The following CDH12 variants were observed in gnomAD, a reference collection of about 807,000 sequenced individuals.
CDH12 encodes the protein cadherin 12, also known as cadherin-12.
CDH12 carries 41 observed loss-of-function variants against 74.1 expected under a neutral mutation model. The observed-to-expected ratio is 0.55, with a 90% CI of 0.43 to 0.72. The LOEUF (loss-of-function observed/expected upper bound fraction) is 0.72. Among genes scored for constraint, CDH12 ranks in the 30% least tolerant of loss-of-function variants. The probability of loss-of-function intolerance (pLI) is 0.00; values close to 1 mark genes in which losing one functional copy is unlikely to be tolerated. For synonymous variants in CDH12, 399 were observed against 355.0 expected (o/e 1.12, Z -1.39); for missense variants, 945 against 977.2 (o/e 0.97, Z 0.44).
chr5:21,880,617 T>TTCTTTCTCTCTC (rs1752260865), intron 6 of CDH12, among the ~76,000 whole-genome samples: 1 of 53,936 alleles, frequency 1.9e-5, no homozygotes, highest in African/African-American at 8.3e-5. Flanking sequence ...CCTTCCTTCC[T>TTCTTTCTCTCTC]TCTTTCTTTC....
At chr5:22,741,381 C>T (rs1391634938) in intron 1 of CDH12, among the ~76,000 whole-genome samples, 2 of 152,132 alleles carry the variant, frequency 1.3e-5, no homozygotes, top group African/African-American at 2.4e-5. Flanking sequence ...TATGCTATTT[C>T]CCATATTTGC....
At chr5:22,347,634 G>A (rs187658951) in intron 3 of CDH12, among the ~76,000 whole-genome samples, 1 of 152,058 alleles carries the variant, frequency 6.6e-6, no homozygotes, top group African/African-American at 2.4e-5. Context: ...TATCCTTTAA[G>A]TTCTGTCCCT....
intron 1 of CDH12, among the ~76,000 whole-genome samples, chr5:22,570,406 G>A (rs545495541): frequency 1.3e-5 from 2 of 152,120 alleles, no homozygotes; most frequent in East Asian, 3.9e-4. Context: ...CTTTATCCAT[G>A]TGCTACAGAA....
chr5:22,538,509 C>T (rs1338089427), intron 1 of CDH12, among the ~76,000 whole-genome samples: 1 of 152,174 alleles, frequency 6.6e-6, no homozygotes, highest in Non-Finnish European at 1.5e-5. Context: ...CTGACTTCCA[C>T]TGACAAGACA....
At chr5:22,322,829 C>A (rs1561312128) in intron 3 of CDH12, among the ~76,000 whole-genome samples, 1 of 152,040 alleles carries the variant, frequency 6.6e-6, no homozygotes, top group Non-Finnish European at 1.5e-5. Context: ...GGGCAATGAG[C>A]CCTTGTACAA....
intron 4 of CDH12, among the ~76,000 whole-genome samples, chr5:22,121,997 A>C (rs1377156207): frequency 1.3e-5 from 2 of 152,046 alleles, no homozygotes; most frequent in African/African-American, 4.8e-5. Flanking sequence ...TCCTTCACCC[A>C]TGCCTGAATC....
At chr5:22,547,190 T>A in intron 1 of CDH12, among the ~76,000 whole-genome samples, 1 of 151,558 alleles carries the variant, frequency 6.6e-6, no homozygotes, top group Admixed American at 6.6e-5. Context: ...GATGGGGGAG[T>A]TAGTGTGAAA....
chr5:22,123,027 C>T lies in CDH12; in HGVS notation c.-186-44165G>A, dbSNP rs73058320. ...GGGGAGTTCTTAGCTTAGATAATCA[C>T]GTGAGCCAATTCCTTAAAATAAATC... On this transcript the variant is annotated intron_variant, in intron 4 of 14. Coordinates refer to ENST00000382254, the MANE Select transcript of CDH12 (RefSeq NM_004061.5). 8.3e-3 allele frequency among the ~76,000 whole-genome samples: 1,259 copies of T among 152,228 alleles called. 19 individuals are homozygous for T. Among genetic ancestry groups the T allele is most frequent in the African/African-American group, 0.029 (1,211 of 41,540 alleles).
chr5:22,498,231 T>A (rs1000892427), intron 2 of CDH12, among the ~76,000 whole-genome samples: 2 of 152,168 alleles, frequency 1.3e-5, no homozygotes, highest in Admixed American at 1.3e-4. Flanking sequence ...TCTTCCCAGC[T>A]AATTTTCTGC....
chr5:22,509,045 A>T (rs1287057690), intron 1 of CDH12, among the ~76,000 whole-genome samples: 1 of 152,186 alleles, frequency 6.6e-6, no homozygotes, highest in Non-Finnish European at 1.5e-5. Context: ...TACTCTAATA[A>T]AACAACTTCC....
At position 22,821,828 on chromosome 5, in the gene CDH12, T is replaced by C. The variant is rs1749716421; in HGVS notation, c.-523+31230A>G. On this transcript the variant is annotated intron_variant, in intron 1 of 14. Coordinates refer to ENST00000382254, the MANE Select transcript of CDH12 (RefSeq NM_004061.5). ...TGCCCAAGGTAATTTATAGATTCAATGCCATCCCCATCAAGCTACCAATGA... is the reference window on the plus strand; with the variant it reads ...TGCCCAAGGTAATTTATAGATTCAACGCCATCCCCATCAAGCTACCAATGA... 2.6e-5 allele frequency among the ~76,000 whole-genome samples: 4 copies of C among 151,332 alleles called. No homozygotes were observed. In the South Asian group the frequency reaches 8.4e-4, roughly 32 times the overall value.
At position 22,113,988 on chromosome 5, in the gene CDH12, A is replaced by G. The variant is rs148977845; in HGVS notation, c.-186-35126T>C. Among the ~76,000 whole-genome samples, 779 of 152,232 alleles carry G rather than the reference A, an allele frequency of 5.1e-3. 5 individuals are homozygous for G. The highest frequency in any genetic ancestry group is 0.017 in the African/African-American group (716 of 41,550). ...AAACCTGGATATTTCTTCTTTTCCA[A>G]TATGACATCAGGTGGCATCTCTAGC... On this transcript the variant is annotated intron_variant, in intron 4 of 14. Transcript: ENST00000382254.
At chr5:22,062,203 C>T (rs1053400749) in intron 5 of CDH12, among the ~76,000 whole-genome samples, 1 of 152,062 alleles carries the variant, frequency 6.6e-6, no homozygotes, top group East Asian at 1.9e-4. Flanking sequence ...ACACATTGAA[C>T]CTTTATGGCA....
At chr5:21,930,739 A>AAGTAC (rs1754797116) in intron 6 of CDH12, among the ~76,000 whole-genome samples, 1 of 152,228 alleles carries the variant, frequency 6.6e-6, no homozygotes, top group Non-Finnish European at 1.5e-5. Flanking sequence ...ATAAGTACAT[A>AAGTAC]AAAAAGTTGT....
chr5:22,810,055 C>T (rs1749058905), intron 1 of CDH12, among the ~76,000 whole-genome samples: 1 of 151,956 alleles, frequency 6.6e-6, no homozygotes, highest in African/African-American at 2.4e-5. Context: ...TTTTATTCTC[C>T]TCTTTCTCTA....
At chr5:22,591,971 T>C (rs921881789) in intron 1 of CDH12, among the ~76,000 whole-genome samples, 3 of 102,098 alleles carry the variant, frequency 2.9e-5, no homozygotes, top group African/African-American at 1.2e-4. Context: ...GTGACCACCA[T>C]GTGAACCCTA....
chr5:22,742,335 G>C (rs1359729768), intron 1 of CDH12, among the ~76,000 whole-genome samples: 1 of 152,178 alleles, frequency 6.6e-6, no homozygotes, highest in Non-Finnish European at 1.5e-5. Context: ...AGGAGTCTGA[G>C]TATGAGCTGC....
intron 2 of CDH12, among the ~76,000 whole-genome samples, chr5:22,416,106 G>A: frequency 9.7e-6 from 1 of 103,082 alleles, no homozygotes; most frequent in East Asian, 3.2e-4. Flanking sequence ...ACGGAGTCTC[G>A]CTCTGTGGCC....
chr5:21,813,806 C>T (rs145377150), intron 9 of CDH12, among the ~76,000 whole-genome samples: 116 of 152,202 alleles, frequency 7.6e-4, no homozygotes, highest in African/African-American at 2.7e-3. Flanking sequence ...TTATTTTTCA[C>T]CTCACTGTAA....
Sources: allele counts gnomAD v4.1 joint callset (sites outside exome capture counted in the v4.1 genomes callset), GRCh38; gene constraint gnomAD v4.1.1; transcripts MANE v1.5; gene names NCBI Gene and HGNC (gene_info 2026-07-23, HGNC 2026-07-21).